Variants in BMPER observed in about 807,000 individuals in gnomAD.
BMPER encodes the protein BMP binding endothelial regulator, also known as BMP-binding endothelial regulator protein.
A neutral mutation model predicts 87.3 loss-of-function variants in BMPER; 45 were observed. That is an observed-to-expected ratio of 0.52 (90% confidence interval 0.41 to 0.66). The LOEUF (loss-of-function observed/expected upper bound fraction) is 0.66, where lower values mean the gene tolerates loss of function less well. Ranked by LOEUF, BMPER falls within the 30% of genes least tolerant of loss-of-function variation. The pLI, the probability that BMPER is intolerant of heterozygous loss-of-function variation, is 0.00. For missense variants in BMPER, 784 were observed against 867.5 expected (o/e 0.90, Z 1.21); for synonymous variants, 326 against 316.2 (o/e 1.03, Z -0.33).
intron 6 of BMPER, among the ~76,000 whole-genome samples, chr7:33,993,934 G>A (rs1415631365): frequency 6.6e-6 from 1 of 152,158 alleles, no homozygotes; most frequent in Non-Finnish European, 1.5e-5. Flanking sequence ...GGCTGCTCGG[G>A]GGTCAGGGGT....
rs147600292 is a variant in BMPER, at chr7:33,970,343, A to T, written c.417A>T (p.Thr139=). Residue 139 remains threonine, a synonymous_variant, in exon 5 of 15, where the codon ACA becomes ACT. Coordinates refer to ENST00000649409, the MANE Select transcript of BMPER (RefSeq NM_001365308.1). ...VLRQCQEGVV[T]ESGVRCVVHC... ...CTGTGTTTCAGGAGGGCGTTGTCAC[A>T]GAGTCTGGGGTGCGCTGTGTTGTTC... is the stretch of plus-strand genomic sequence containing the variant. The T allele has an allele frequency of 6.6e-3, 10,707 of 1,614,082 alleles. 54 individuals carry two copies. Among genetic ancestry groups the T allele is most frequent in the Non-Finnish European group, 8.4e-3 (9,868 of 1,179,940 alleles).
chr7:34,013,578 A>G (rs1249057833), intron 6 of BMPER, among the ~76,000 whole-genome samples: 1 of 151,938 alleles, frequency 6.6e-6, no homozygotes, highest in Non-Finnish European at 1.5e-5. Flanking sequence ...CCATGATTTT[A>G]AAAGTAAATT....
Position 33,910,091 on chromosome 7 carries a change from G to T in BMPER, c.219+3188G>T, listed in dbSNP as rs115593973. On this transcript the variant is annotated intron_variant, in intron 2 of 14. Coordinates refer to ENST00000649409, the MANE Select transcript of BMPER (RefSeq NM_001365308.1). ...AGCTTCAGTTCATCTATTTGAGGGG[G>T]TAGGTGAGAAGTTGGATCATGGTCC... Among the ~76,000 whole-genome samples the T allele has an allele frequency of 6.2e-3, 951 of 152,302 alleles. 10 individuals are homozygous for T. Among genetic ancestry groups the T allele is most frequent in the African/African-American group, 0.022 (902 of 41,542 alleles).
chr7:33,979,533 G>A (rs1785789082), intron 6 of BMPER, among the ~76,000 whole-genome samples: 2 of 151,986 alleles, frequency 1.3e-5, no homozygotes, highest in African/African-American at 4.8e-5. Flanking sequence ...TCCTATTGCT[G>A]TCTTTTGATG....
At chr7:33,927,357 C>T (rs542809390) in intron 2 of BMPER, among the ~76,000 whole-genome samples, 1 of 152,196 alleles carries the variant, frequency 6.6e-6, no homozygotes, top group Admixed American at 6.5e-5. Context: ...GCGCTGATGA[C>T]AAGAGTGACA....
At chr7:34,107,660 C>T (rs1789856836) in intron 13 of BMPER, among the ~76,000 whole-genome samples, 1 of 152,100 alleles carries the variant, frequency 6.6e-6, no homozygotes, top group Non-Finnish European at 1.5e-5. Flanking sequence ...AAATCTAGGG[C>T]AGCTCTCTGT....
intron 5 of BMPER, among the ~76,000 whole-genome samples, chr7:33,973,237 C>A (rs1157985252): frequency 6.6e-6 from 1 of 152,126 alleles, no homozygotes. Flanking sequence ...GTGCTACAAA[C>A]CTGTATGAAA....
chr7:34,137,535 G>A (rs78709061), intron 13 of BMPER, among the ~76,000 whole-genome samples: 6,225 of 152,272 alleles, frequency 0.041, 271 homozygotes, highest in African/African-American at 0.11. Flanking sequence ...CTTGTCCCCC[G>A]GAAAGAAAAG....
At chr7:34,100,012 A>G (rs1218463688) in intron 13 of BMPER, among the ~76,000 whole-genome samples, 2 of 152,042 alleles carry the variant, frequency 1.3e-5, no homozygotes, top group African/African-American at 4.8e-5. Context: ...GGTGCAGGTC[A>G]GTGGACACCA....
chr7:34,089,731 GC>G (rs1449406029), intron 13 of BMPER, among the ~76,000 whole-genome samples: 1 of 152,122 alleles, frequency 6.6e-6, no homozygotes, highest in Non-Finnish European at 1.5e-5. Context: ...TGATCTGCCT[GC>G]CTCAGCCTCC....
At chr7:33,912,729 C>T (rs947972663) in intron 2 of BMPER, among the ~76,000 whole-genome samples, 3 of 152,118 alleles carry the variant, frequency 2.0e-5, no homozygotes, top group Non-Finnish European at 4.4e-5. Flanking sequence ...GTAACACCAC[C>T]TTTCATGGCA....
chr7:34,024,384 A>ACTATAT (rs1787293391), intron 6 of BMPER, among the ~76,000 whole-genome samples: 3 of 23,430 alleles, frequency 1.3e-4, no homozygotes, highest in African/African-American at 6.3e-4. Context: ...AAAAAAAAAC[A>ACTATAT]ATATATATAT....
At chr7:33,978,994 G>T (rs1409753064) in intron 6 of BMPER, among the ~76,000 whole-genome samples, 1 of 152,108 alleles carries the variant, frequency 6.6e-6, no homozygotes, top group Admixed American at 6.5e-5. Flanking sequence ...TGTACTGGCA[G>T]TTAGAAGTGT....
chr7:33,988,475 C>T (rs1786080962), intron 6 of BMPER, among the ~76,000 whole-genome samples: 1 of 152,000 alleles, frequency 6.6e-6, no homozygotes, highest in Non-Finnish European at 1.5e-5. Flanking sequence ...TTTTCCAACA[C>T]AGAAATTTTC....
chr7:34,148,711 G>A (rs550868906), intron 14 of BMPER, among the ~76,000 whole-genome samples: 3 of 152,170 alleles, frequency 2.0e-5, no homozygotes, highest in Non-Finnish European at 4.4e-5. Context: ...AGATGCCTTA[G>A]AAGAAGTTGA....
intron 3 of BMPER, among the ~76,000 whole-genome samples, chr7:33,947,599 G>A (rs1470419825): frequency 1.3e-5 from 2 of 152,062 alleles, no homozygotes; most frequent in Non-Finnish European, 2.9e-5. Flanking sequence ...ATAAATATTT[G>A]CACATCAATT....
At chr7:33,951,443 C>A (rs1785021802) in intron 3 of BMPER, among the ~76,000 whole-genome samples, 1 of 152,136 alleles carries the variant, frequency 6.6e-6, no homozygotes, top group African/African-American at 2.4e-5. Context: ...GCTTTTCTAC[C>A]CTATGTTGTA....
intron 4 of BMPER, among the ~76,000 whole-genome samples, chr7:33,968,717 A>T (rs543040450): frequency 6.6e-6 from 1 of 152,344 alleles, no homozygotes; most frequent in African/African-American, 2.4e-5. Context: ...GATGACAGGA[A>T]GTCTAATGAT....
At chr7:34,106,857 G>A (rs1055803130) in intron 13 of BMPER, among the ~76,000 whole-genome samples, 3 of 152,122 alleles carry the variant, frequency 2.0e-5, no homozygotes, top group African/African-American at 7.2e-5. Flanking sequence ...TTGTGCCTCA[G>A]GCCATTTTTT....
Sources: gnomAD v4.1 joint callset for allele counts (sites outside exome capture counted in the v4.1 genomes callset) on GRCh38, gnomAD v4.1.1 for gene constraint, MANE v1.5 for transcripts, NCBI Gene and HGNC (gene_info 2026-07-23, HGNC 2026-07-21) for gene names.